The following MYO10 variants were observed in gnomAD, a reference collection of about 807,000 sequenced individuals.
MYO10 encodes the protein unconventional myosin-X.
MYO10 carries 133 observed loss-of-function variants against 257.3 expected under a neutral mutation model. The observed-to-expected ratio is 0.52, with a 90% CI of 0.45 to 0.60. The LOEUF (loss-of-function observed/expected upper bound fraction) is 0.60. Ranked by LOEUF, MYO10 falls within the 20% of genes least tolerant of loss-of-function variation. The pLI is 0.00. For synonymous variants in MYO10, 1,104 were observed against 1,028.6 expected (o/e 1.07, Z -1.40); for missense variants, 2,399 against 2,635.7 (o/e 0.91, Z 1.97).
intron 19 of MYO10, among the ~76,000 whole-genome samples, chr5:16,724,754 C>T (rs188874355): frequency 4.0e-4 from 61 of 152,178 alleles, no homozygotes; most frequent in South Asian, 2.7e-3. Context: ...AAATAATACA[C>T]GCAAAGGATC....
intron 1 of MYO10, among the ~76,000 whole-genome samples, chr5:16,923,239 A>G (rs1280029115): frequency 6.6e-6 from 1 of 152,118 alleles, no homozygotes; most frequent in Non-Finnish European, 1.5e-5. Context: ...TTAAATGACA[A>G]TGGTATATAC....
Position 16,813,826 on chromosome 5 carries a change from A to G in MYO10, c.279+4183T>C, listed in dbSNP as rs149420169. 6.5e-3 allele frequency among the ~76,000 whole-genome samples: 994 copies of G among 152,176 alleles called. 4 individuals carry two copies. The highest frequency in any genetic ancestry group is 0.011 in the Non-Finnish European group (721 of 67,984). ...AGAGAGAAAGAAGACAGTGGAGGAG[A>G]AGGAGGAAAGATTTGAAGCCATGAG... On this transcript the variant is annotated intron_variant, in intron 3 of 40. Coordinates refer to ENST00000513610, the MANE Select transcript of MYO10 (RefSeq NM_012334.3).
At chr5:16,738,306 G>C (rs747301315) in intron 19 of MYO10, 31 of 985,374 alleles carry the variant, frequency 3.1e-5, no homozygotes, top group Non-Finnish European at 3.7e-5. Context: ...CCCAGGCCTG[G>C]GAGCAGGGGT....
At chr5:16,918,500 C>CTTTTTTTTTTTTTTT (rs5866221) in intron 1 of MYO10, among the ~76,000 whole-genome samples, 2 of 117,692 alleles carry the variant, frequency 1.7e-5, no homozygotes, top group Non-Finnish European at 1.7e-5. Flanking sequence ...TTTTTCTTTT[C>CTTTTTTTTTTTTTTT]TTTTTTTTTT....
Position 16,848,483 on chromosome 5 carries a change from A to C in MYO10, c.120+29126T>G, listed in dbSNP as rs139016342. Among the ~76,000 whole-genome samples the C allele has an allele frequency of 1.8e-3, 280 of 152,228 alleles. 3 individuals are homozygous for C. Among genetic ancestry groups the C allele is most frequent in the African/African-American group, 5.9e-3 (247 of 41,544 alleles). On this transcript the variant is annotated intron_variant, in intron 2 of 40. Transcript: ENST00000513610. ...CTAAACACATTTCTTTACTGCAGAA[A>C]TTAAGATCAAATGCTGCTCTGATTT... is the stretch of plus-strand genomic sequence containing the variant.
intron 18 of MYO10, among the ~76,000 whole-genome samples, chr5:16,756,385 G>A (rs1470026219): frequency 6.6e-6 from 1 of 152,162 alleles, no homozygotes; most frequent in African/African-American, 2.4e-5. Context: ...TAAAGGGTTT[G>A]TTCTTTTGCA....
rs190908067 is a variant in MYO10 at position 16,719,575 on chromosome 5, T to C, written c.1930-8330A>G. On this transcript the variant is annotated intron_variant, in intron 19 of 40. Coordinates refer to ENST00000513610, the MANE Select transcript of MYO10 (RefSeq NM_012334.3). ...TTCTAGAGTGGATCCTTTCCTATCATTTTTGGAGAGAATTTACTCAAGGTC... is the reference window on the plus strand; with the variant it reads ...TTCTAGAGTGGATCCTTTCCTATCACTTTTGGAGAGAATTTACTCAAGGTC... 2.8e-3 allele frequency among the ~76,000 whole-genome samples: 433 copies of C among 152,358 alleles called. 1 individual carries two copies. Among genetic ancestry groups the C allele is most frequent in the African/African-American group, 8.6e-3 (357 of 41,578 alleles).
rs1000011631 is a variant in MYO10 at position 16,783,192 on chromosome 5, G to A, written c.602+143C>T. The A allele has an allele frequency of 1.3e-5, 11 of 844,024 alleles. No individual in the cohort carries two copies. The African/African-American group carries it at 1.9e-4, about 15-fold the overall frequency. The allele number at this position is 844,024 out of a possible 1,614,324, so 52.3% of individuals were successfully genotyped here. A position where few individuals can be genotyped will look rare whatever the true frequency, so the allele number is the denominator to read the frequency against. ...GTTCATGAGATATTACTATGTGCAT[G>A]GCAAGACCTTTTCTTAAGGAATTGT... On this transcript the variant is annotated intron_variant, in intron 5 of 40. Coordinates refer to ENST00000513610, the MANE Select transcript of MYO10 (RefSeq NM_012334.3).
chr5:16,683,880 C>T lies in MYO10; in HGVS notation c.4046G>A (p.Arg1349Lys), dbSNP rs745623134. ...DSVCASDSPDRPNSFVIITAN... is the reference protein window; with the variant it reads ...DSVCASDSPDKPNSFVIITAN... ...TGTTAAGAGCCACATCTGAGCTTAC[C>T]TATCAGGGCTGTCAGAGGCACACAC... Residue 1349 changes from arginine (R) to lysine (K), a missense_variant and splice_region_variant, in exon 30 of 41, where the codon AGA (arginine) becomes AAA (lysine). Transcript: ENST00000513610. The T allele has an allele frequency of 7.4e-6, 12 of 1,613,614 alleles. No homozygotes were observed. The South Asian group carries it at 1.1e-4, about 15-fold the overall frequency.
At chr5:16,843,778 G>T (rs184708312) in intron 2 of MYO10, among the ~76,000 whole-genome samples, 45 of 152,158 alleles carry the variant, frequency 3.0e-4, no homozygotes, top group African/African-American at 1.0e-3. Context: ...TTTTTTGAAG[G>T]AATGGAACAG....
rs940539568 is a variant in MYO10 at position 16,732,354 on chromosome 5, C to A, written c.1930-21109G>T. On this transcript the variant is annotated intron_variant, in intron 19 of 40. Transcript: ENST00000513610. ...CTTTGCACAAATCCCATCTGGAAAT[C>A]CTCACAGGGTAGCCTCCCCCTTGGG... 2.6e-5 allele frequency among the ~76,000 whole-genome samples: 4 copies of A among 152,142 alleles called. No homozygotes were observed. In the South Asian group the frequency reaches 8.3e-4, roughly 31 times the overall value.
chr5:16,748,148 C>T (rs1740264540), intron 19 of MYO10, among the ~76,000 whole-genome samples: 1 of 152,084 alleles, frequency 6.6e-6, no homozygotes, highest in Admixed American at 6.6e-5. Context: ...CGGCTCACTG[C>T]AGCCTTGACC....
rs58653327 is a variant in MYO10, at chr5:16,685,087, C to T, written c.3990+651G>A. Among the ~76,000 whole-genome samples, 1,185 of 152,192 alleles carry T rather than the reference C, an allele frequency of 7.8e-3. 14 individuals are homozygous for T. Among genetic ancestry groups the T allele is most frequent in the African/African-American group, 0.027 (1,120 of 41,546 alleles). ...AATACAATTTAGATTTCACCAAGTC[C>T]TCTGAAGAGTAAGTGTGATGTGTAC... On this transcript the variant is annotated intron_variant, in intron 29 of 40. Coordinates refer to ENST00000513610, the MANE Select transcript of MYO10 (RefSeq NM_012334.3).
intron 21 of MYO10, among the ~76,000 whole-genome samples, chr5:16,707,311 T>G (rs551727612): frequency 3.3e-5 from 5 of 152,188 alleles, no homozygotes; most frequent in Non-Finnish European, 7.3e-5. Context: ...AGCCCTTGTG[T>G]CACTTTGCCA....
At chr5:16,909,304 C>T (rs752272347) in intron 1 of MYO10, among the ~76,000 whole-genome samples, 4 of 152,028 alleles carry the variant, frequency 2.6e-5, no homozygotes, top group African/African-American at 4.8e-5. Flanking sequence ...GTCAGGAGTT[C>T]GAGACCAGCC....
At chr5:16,734,430 T>C (rs554607392) in intron 19 of MYO10, among the ~76,000 whole-genome samples, 1 of 152,288 alleles carries the variant, frequency 6.6e-6, no homozygotes, top group East Asian at 1.9e-4. Context: ...CACGTTCAAA[T>C]GACAGATCAC....
intron 2 of MYO10, among the ~76,000 whole-genome samples, chr5:16,854,659 C>T (rs934230479): frequency 6.6e-6 from 1 of 152,156 alleles, no homozygotes; most frequent in African/African-American, 2.4e-5. Flanking sequence ...TGTGACTATA[C>T]TAAAAGCCAC....
chr5:16,931,268 T>C (rs31456), intron 1 of MYO10, among the ~76,000 whole-genome samples: 59,764 of 151,684 alleles, frequency 0.39, 12,027 homozygotes, highest in Middle Eastern at 0.5. Context: ...CAAAATTCCA[T>C]CTCAAAACAA....
chr5:16,763,760 G>A lies in MYO10; in HGVS notation c.1327-5C>T, dbSNP rs1423607582. ...GAACTGTTCAAAGTGATTAACCTAA[G>A]GGGGGAAAGCATTCAATAAGTATCT... On this transcript the variant is annotated splice_polypyrimidine_tract_variant and splice_region_variant and intron_variant, in intron 12 of 40. Transcript: ENST00000513610. The A allele has an allele frequency of 3.3e-6, 5 of 1,523,194 alleles. No homozygotes were observed. The highest frequency in any genetic ancestry group is 4.5e-5 in the East Asian group (2 of 44,254). The allele number at this position is 1,523,194 out of a possible 1,614,324, so 94.4% of individuals were successfully genotyped here. A position where few individuals can be genotyped will look rare whatever the true frequency, so the allele number is the denominator to read the frequency against.
Sources: gnomAD v4.1 joint callset for allele counts (sites outside exome capture counted in the v4.1 genomes callset) on GRCh38, gnomAD v4.1.1 for gene constraint, MANE v1.5 for transcripts, NCBI Gene and HGNC (gene_info 2026-07-23, HGNC 2026-07-21) for gene names.